The following CDK11B variants were observed in gnomAD, a reference collection of about 807,000 sequenced individuals.
The protein encoded by CDK11B is cyclin-dependent kinase 11B.
In CDK11B, 37 loss-of-function variants were observed where a neutral mutation model predicts 84.0. The observed-to-expected ratio is 0.44, with a 90% CI of 0.34 to 0.58. The LOEUF is 0.58. Among genes scored for constraint, CDK11B ranks in the 20% least tolerant of loss-of-function variants. CDK11B has a pLI of 0.02. For synonymous variants in CDK11B, 269 were observed against 309.8 expected, an observed-to-expected ratio of 0.87 and a Z score of 1.38; for missense variants, 427 against 834.0, an observed-to-expected ratio of 0.51 and a Z score of 6.01.
chr1:1,636,569 G>A (rs1639326604), intron 17 of CDK11B, 88 bp from the exon 18 acceptor site: 9 of 1,573,454 alleles, frequency 5.7e-6, no homozygotes, highest in Non-Finnish European at 7.8e-6. Flanking sequence ...GCCACCAGGA[G>A]GGCTCTCAGT....
At chr1:1,657,325 G>T (rs202069785) in intron 2 of CDK11B, 50 bp downstream of exon 2, 3 of 1,613,058 alleles carry the variant, frequency 1.9e-6, no homozygotes, top group African/African-American at 1.3e-5. Flanking sequence ...TGAGGGCAAA[G>T]AAATTAAATC....
At chr1:1,649,732 TG>T in intron 4 of CDK11B, 95 bp from the exon 5 acceptor site, 1 of 1,287,296 alleles carries the variant, frequency 7.8e-7, no homozygotes, top group Non-Finnish European at 1.1e-6. Context: ...CCTAGCACTT[TG>T]GGAGGCTGAG....
At chr1:1,652,883 G>A (rs1267741240) in intron 3 of CDK11B, among the ~76,000 whole-genome samples, 6 of 151,918 alleles carry the variant, frequency 3.9e-5, no homozygotes, top group Admixed American at 1.3e-4. Flanking sequence ...CCGCCGCCAC[G>A]CTGGCTAATT....
intron 3 of CDK11B, among the ~76,000 whole-genome samples, chr1:1,653,082 C>A (rs1553163173): frequency 6.6e-6 from 1 of 151,850 alleles, no homozygotes; most frequent in African/African-American, 2.4e-5. Context: ...TGCAGTGGTA[C>A]GATCTCGGCT....
intron 3 of CDK11B, among the ~76,000 whole-genome samples, chr1:1,653,354 T>C (rs1642265651): frequency 6.6e-6 from 1 of 151,984 alleles, no homozygotes; most frequent in Non-Finnish European, 1.5e-5. Context: ...AGAATCTCGC[T>C]CTTTCCCCCA....
At chr1:1,655,338 C>T (rs778959300) in intron 3 of CDK11B, 31 bp downstream of exon 3, 21 of 1,609,920 alleles carry the variant, frequency 1.3e-5, no homozygotes, top group East Asian at 4.5e-5. Context: ...CTGTGTACAG[C>T]TGGGTCTTGC....
At position 1,635,742 on chromosome 1, in the gene CDK11B, A is replaced by C. The variant is rs1178929712; in HGVS notation, c.*22T>G. ...CTGTGGTCCCGGCTGAGTTCTCCCCATGACGGGGTCCACTCTGACCTTCAG... is the reference window on the plus strand; with the variant it reads ...CTGTGGTCCCGGCTGAGTTCTCCCCCTGACGGGGTCCACTCTGACCTTCAG... On this transcript the variant is annotated 3_prime_UTR_variant, in exon 20 of 20. Transcript: ENST00000341832. 2.0e-5 allele frequency: 5 copies of C among 247,354 alleles called. No homozygotes were observed. Among genetic ancestry groups the C allele is most frequent in the Admixed American group, 7.7e-5 (1 of 12,954 alleles). The allele number at this position is 247,354 out of a possible 1,614,324, so 15.3% of individuals were successfully genotyped here. A position where few individuals can be genotyped will look rare whatever the true frequency, so the allele number is the denominator to read the frequency against.
chr1:1,643,788 C>A (rs570039529), intron 6 of CDK11B, among the ~76,000 whole-genome samples: 150 of 142,502 alleles, frequency 1.1e-3, no homozygotes, highest in Middle Eastern at 6.8e-3. Context: ...AGCCTGAAGA[C>A]AATAAAATCA....
chr1:1,654,135 A>G (rs1467966902), intron 3 of CDK11B: 1 of 465,848 alleles, frequency 2.1e-6, no homozygotes, highest in Non-Finnish European at 4.3e-6. Context: ...CAGGAAAACC[A>G]TTATACCGTA....
intron 4 of CDK11B, among the ~76,000 whole-genome samples, chr1:1,651,760 T>C (rs1462240454): frequency 2.6e-5 from 4 of 151,576 alleles, no homozygotes; most frequent in Non-Finnish European, 5.9e-5. Flanking sequence ...TCTATAGCCC[T>C]TCTGAATGGT....
intron 3 of CDK11B, among the ~76,000 whole-genome samples, chr1:1,653,262 A>G (rs1642250428): frequency 6.6e-6 from 1 of 151,490 alleles, no homozygotes; most frequent in Admixed American, 6.6e-5. Flanking sequence ...TGACATCATG[A>G]TCCACCCACC....
At position 1,650,235 on chromosome 1, in the gene CDK11B, A is replaced by C. The variant is rs1454007265; in HGVS notation, c.356-598T>G. ...CAGTGAGCTGAGATTGCGCCACTGT[A>C]CTCCAGCCTGGGTGACAAGCAAGAC... is the stretch of plus-strand genomic sequence containing the variant. On this transcript the variant is annotated intron_variant, in intron 4 of 19. Coordinates refer to ENST00000341832, the MANE Select transcript of CDK11B (RefSeq NM_033486.3). Among the ~76,000 whole-genome samples, 8 of 135,824 alleles carry C rather than the reference A, an allele frequency of 5.9e-5. No homozygotes were observed. In the East Asian group the frequency reaches 1.1e-3, roughly 18 times the overall value. The allele number at this position is 135,824 out of a possible 152,430, so 89.1% of individuals were successfully genotyped here. A position where few individuals can be genotyped will look rare whatever the true frequency, so the allele number is the denominator to read the frequency against.
At chr1:1,639,427 G>A (rs889234195) in intron 11 of CDK11B, among the ~76,000 whole-genome samples, 18 of 151,272 alleles carry the variant, frequency 1.2e-4, no homozygotes. Flanking sequence ...CAAAAAAAAA[G>A]CCATCCCAAG....
At chr1:1,645,972 G>T in intron 5 of CDK11B, 1 of 426,318 alleles carries the variant, frequency 2.3e-6, no homozygotes, top group Non-Finnish European at 4.7e-6. Context: ...CCGAGTAGCT[G>T]GGATTACAGG....
intron 3 of CDK11B, among the ~76,000 whole-genome samples, chr1:1,654,520 T>C (rs1642460982): frequency 6.6e-6 from 1 of 152,110 alleles, no homozygotes. Context: ...TGGGCTGAAG[T>C]GATCTGCCTG....
Position 1,651,606 on chromosome 1 carries a change from C to T in CDK11B, c.355+833G>A, listed in dbSNP as rs1168207192. On this transcript the variant is annotated intron_variant, in intron 4 of 19. Transcript: ENST00000341832. Reference sequence around the variant, plus strand: ...GCTCTCTCTGGTTTTCGGTCTGGGACACATGCATGCTTTTAGCTAGAGTTT... The same window carrying T: ...GCTCTCTCTGGTTTTCGGTCTGGGATACATGCATGCTTTTAGCTAGAGTTT... Among the ~76,000 whole-genome samples, 36 of 151,038 alleles carry T rather than the reference C, an allele frequency of 2.4e-4. No homozygotes were observed. The South Asian group carries it at 4.4e-3, about 18-fold the overall frequency.
chr1:1,650,755 A>C (rs1641905753), intron 4 of CDK11B, among the ~76,000 whole-genome samples: 1 of 150,310 alleles, frequency 6.7e-6, no homozygotes, highest in Non-Finnish European at 1.5e-5. Context: ...TGATCCTCCA[A>C]AGTGCTGGGA....
In CDK11B at chr1:1,636,264, G is replaced by A. The variant is rs1639258544; in HGVS notation, c.2066+69C>T. 5 of 1,446,846 alleles carry A rather than the reference G, an allele frequency of 3.5e-6. No individual in the cohort carries two copies. In the East Asian group the frequency reaches 7.6e-5, roughly 22 times the overall value. 89.6% of individuals were successfully genotyped at this position (1,446,846 alleles called of 1,614,324 possible). A position where few individuals can be genotyped will look rare whatever the true frequency, so the allele number is the denominator to read the frequency against. ...GTTCTGGAACGTGGTGAGCCAGCAG[G>A]TAGGCCTGGGACTGGGAAGTCACCG... On this transcript the variant is annotated intron_variant, in intron 18 of 19. Transcript: ENST00000341832.
chr1:1,639,534 GGCACCTACCCCTCCGT>G (rs1360872872), intron 11 of CDK11B, among the ~76,000 whole-genome samples: 2 of 151,888 alleles, frequency 1.3e-5, no homozygotes, highest in Non-Finnish European at 2.9e-5. Flanking sequence ...CCCATGCCAG[GGCACCTACCCCTCCGT>G]GTACCTTGGG....
Sources: allele counts gnomAD v4.1 joint callset (sites outside exome capture counted in the v4.1 genomes callset), GRCh38; gene constraint gnomAD v4.1.1; transcripts MANE v1.5; gene names NCBI Gene and HGNC (gene_info 2026-07-23, HGNC 2026-07-21).